Variants in XRCC5 observed in about 807,000 individuals in gnomAD.
XRCC5 encodes X-ray repair cross complementing 5.
Under a neutral mutation model 95.7 loss-of-function variants are expected in XRCC5, and 12 were observed. The ratio of observed to expected loss-of-function variants is 0.13; its 90% CI spans 0.08 to 0.20. The LOEUF (loss-of-function observed/expected upper bound fraction) is 0.20. XRCC5 is among the 10% of genes least tolerant of loss of function. The pLI is 1.00. For synonymous variants in XRCC5, 281 were observed against 290.3 expected, an observed-to-expected ratio of 0.97 and a Z score of 0.33; for missense variants, 595 against 873.9, an observed-to-expected ratio of 0.68 and a Z score of 4.02.
At chr2:216,171,683 C>T (rs1689168787) in intron 16 of XRCC5, among the ~76,000 whole-genome samples, 1 of 152,144 alleles carries the variant, frequency 6.6e-6, no homozygotes. Flanking sequence ...ATAAGAACTA[C>T]TTTTTTACAA....
intron 19 of XRCC5, among the ~76,000 whole-genome samples, chr2:216,195,345 T>C (rs201980954): frequency 4.0e-5 from 5 of 125,202 alleles, no homozygotes; most frequent in African/African-American, 5.8e-5. Context: ...GTTTTTCTTT[T>C]TTTTCTTTTC....
intron 16 of XRCC5, among the ~76,000 whole-genome samples, chr2:216,185,943 T>C (rs1008543401): frequency 6.6e-6 from 1 of 152,190 alleles, no homozygotes; most frequent in African/African-American, 2.4e-5. Context: ...GTTCTTAACA[T>C]TTAAAATTTA....
chr2:216,148,299 T>A, intron 14 of XRCC5, 23 bp downstream of exon 14: 1 of 1,594,480 alleles, frequency 6.3e-7, no homozygotes, highest in Non-Finnish European at 8.5e-7. Flanking sequence ...TATAGTTGCA[T>A]TTAACATTGG....
chr2:216,183,994 G>C (rs2106042046), intron 16 of XRCC5, among the ~76,000 whole-genome samples: 1 of 151,584 alleles, frequency 6.6e-6, no homozygotes, highest in South Asian at 2.1e-4. Flanking sequence ...TTTTAGAAGT[G>C]GAAGCAGAAA....
intron 16 of XRCC5, among the ~76,000 whole-genome samples, chr2:216,172,661 G>C (rs915219768): frequency 6.6e-6 from 1 of 151,914 alleles, no homozygotes; most frequent in Admixed American, 6.6e-5. Context: ...AATAGAGACA[G>C]GGTTTCGCCA....
chr2:216,162,930 T>C (rs1479329592), intron 16 of XRCC5, among the ~76,000 whole-genome samples: 1 of 152,216 alleles, frequency 6.6e-6, no homozygotes, highest in Non-Finnish European at 1.5e-5. Context: ...TTCACTTGAT[T>C]GCATTCAGGT....
rs554310484 is a variant in XRCC5 at position 216,175,109 on chromosome 2, A to G, written c.1834+13061A>G. ...TTTCCTCCTTCATTGTAACCATCAT[A>G]TCCTTCACCACTATCCCCATACCCG... is the stretch of plus-strand genomic sequence containing the variant. On this transcript the variant is annotated intron_variant, in intron 16 of 20. Transcript: ENST00000392132. 1.8e-4 allele frequency: 61 copies of G among 331,558 alleles called. 1 individual carries two copies. The highest frequency in any genetic ancestry group is 1.7e-3 in the South Asian group (57 of 34,384). The allele number at this position is 331,558 out of a possible 1,614,324, so 20.5% of individuals were successfully genotyped here. A position where few individuals can be genotyped will look rare whatever the true frequency, so the allele number is the denominator to read the frequency against.
intron 14 of XRCC5, among the ~76,000 whole-genome samples, chr2:216,149,497 A>G (rs570692579): frequency 1.3e-5 from 2 of 152,282 alleles, no homozygotes; most frequent in East Asian, 1.9e-4. Context: ...TCCCCCTGCT[A>G]TCCTTATCTA....
chr2:216,141,991 G>T (rs207882), intron 13 of XRCC5, among the ~76,000 whole-genome samples: 71,804 of 151,596 alleles, frequency 0.47, 17,441 homozygotes, highest in African/African-American at 0.55. Context: ...GAGATGGAGA[G>T]TGGAGTTAGC....
At chr2:216,175,595 T>A in intron 16 of XRCC5, 1 of 391,678 alleles carries the variant, frequency 2.6e-6, no homozygotes, top group South Asian at 2.1e-5. Flanking sequence ...TTGCTATAGT[T>A]TTCAGAGTAA....
chr2:216,186,706 G>C (rs758487741), intron 16 of XRCC5, among the ~76,000 whole-genome samples: 1 of 151,970 alleles, frequency 6.6e-6, no homozygotes, highest in Non-Finnish European at 1.5e-5. Context: ...AACTAATTTC[G>C]AAAAGCATTT....
intron 11 of XRCC5, among the ~76,000 whole-genome samples, chr2:216,137,447 T>C (rs1247663356): frequency 6.6e-6 from 1 of 152,124 alleles, no homozygotes; most frequent in Non-Finnish European, 1.5e-5. Flanking sequence ...GTATACGTTA[T>C]AAAAATAATA....
At chr2:216,174,379 T>TTG (rs1689230876) in intron 16 of XRCC5, among the ~76,000 whole-genome samples, 1 of 152,212 alleles carries the variant, frequency 6.6e-6, no homozygotes, top group African/African-American at 2.4e-5. Context: ...ATATGTTTCT[T>TTG]TATAGTTAAC....
chr2:216,145,963 A>G (rs1688622397), intron 13 of XRCC5, among the ~76,000 whole-genome samples: 1 of 152,228 alleles, frequency 6.6e-6, no homozygotes, highest in East Asian at 1.9e-4. Flanking sequence ...AGGTATTTTA[A>G]TGAACCAAGG....
intron 16 of XRCC5, among the ~76,000 whole-genome samples, chr2:216,179,395 G>A (rs903974828): frequency 6.6e-6 from 1 of 152,134 alleles, no homozygotes; most frequent in Non-Finnish European, 1.5e-5. Context: ...GTAAGGTCAC[G>A]TTGTGAGGTT....
At chr2:216,197,560 T>A (rs1689751923) in intron 19 of XRCC5, among the ~76,000 whole-genome samples, 1 of 152,128 alleles carries the variant, frequency 6.6e-6, no homozygotes, top group Non-Finnish European at 1.5e-5. Context: ...ACGGGTTGCC[T>A]GGCTCTGACT....
intron 10 of XRCC5, among the ~76,000 whole-genome samples, chr2:216,136,589 C>T (rs1697084372): frequency 6.6e-6 from 1 of 151,904 alleles, no homozygotes; most frequent in Non-Finnish European, 1.5e-5. Context: ...TACTGTCAAA[C>T]AAAAAAATCG....
rs1447631842 is a variant in XRCC5 at position 216,164,563 on chromosome 2, C to T, written c.1834+2515C>T. Among the ~76,000 whole-genome samples the T allele has an allele frequency of 2.0e-5, 3 of 152,172 alleles. No homozygotes were observed. In the South Asian group the frequency reaches 6.2e-4, roughly 32 times the overall value. On this transcript the variant is annotated intron_variant, in intron 16 of 20. Transcript: ENST00000392132. ...TAAGTGCTTAGGGTAGAGAATGAGT[C>T]TCCATCCCCAGACTTGGTTGGCTAG... is the stretch of plus-strand genomic sequence containing the variant.
At chr2:216,121,988 T>G (rs41299766) in intron 5 of XRCC5, 74 bp from the exon 6 acceptor site, 3 of 1,321,964 alleles carry the variant, frequency 2.3e-6, no homozygotes, top group Admixed American at 5.5e-5. Flanking sequence ...TTGACTGATG[T>G]GCTCATTTTC....
Sources: allele counts gnomAD v4.1 joint callset (sites outside exome capture counted in the v4.1 genomes callset), GRCh38; gene constraint gnomAD v4.1.1; transcripts MANE v1.5; gene names NCBI Gene and HGNC (gene_info 2026-07-23, HGNC 2026-07-21).